ABHD6: variants seen among roughly 807,000 people sequenced by gnomAD.
ABHD6 encodes the protein abhydrolase domain containing 6, acylglycerol lipase.
Under a neutral mutation model 38.8 loss-of-function variants are expected in ABHD6, and 33 were observed. The observed-to-expected ratio is 0.85, with a 90% CI of 0.64 to 1.14. ABHD6 has a LOEUF of 1.14. Among genes scored for constraint, ABHD6 ranks in the 50% most tolerant of loss-of-function variants. The probability of loss-of-function intolerance (pLI) is 0.00; values close to 1 mark genes in which losing one functional copy is unlikely to be tolerated. For missense variants in ABHD6, 380 were observed against 422.6 expected, an observed-to-expected ratio of 0.90 and a Z score of 0.88; for synonymous variants, 147 against 161.6, an observed-to-expected ratio of 0.91 and a Z score of 0.69.
chr3:58,271,855 C>T (rs547370926), intron 6 of ABHD6, among the ~76,000 whole-genome samples: 1 of 136,330 alleles, frequency 7.3e-6, no homozygotes, highest in Non-Finnish European at 1.5e-5. Context: ...GCCTTGACTT[C>T]CCAGGTTCAA....
chr3:58,264,211 G>C (rs943984629), intron 3 of ABHD6, among the ~76,000 whole-genome samples: 1 of 152,054 alleles, frequency 6.6e-6, no homozygotes, highest in Non-Finnish European at 1.5e-5. Flanking sequence ...CATAACGCTG[G>C]CTGGAACACT....
chr3:58,288,939 G>A (rs1251531169), intron 9 of ABHD6, among the ~76,000 whole-genome samples: 1 of 151,930 alleles, frequency 6.6e-6, no homozygotes, highest in Non-Finnish European at 1.5e-5. Context: ...GAGTTTTTTG[G>A]CACTTAAATT....
chr3:58,286,830 G>A (rs1401941543), intron 9 of ABHD6, among the ~76,000 whole-genome samples: 2,561 of 54,646 alleles, frequency 0.047, 184 homozygotes, highest in African/African-American at 0.17. Context: ...ATATGTGTGT[G>A]TGTGTGTGTG....
intron 2 of ABHD6, among the ~76,000 whole-genome samples, chr3:58,252,840 C>T (rs2097430921): frequency 6.6e-6 from 1 of 152,194 alleles, no homozygotes; most frequent in Admixed American, 6.5e-5. Context: ...ACCAGCATGG[C>T]AGGGGAGCTG....
chr3:58,242,125 G>C (rs1371582177), intron 1 of ABHD6, among the ~76,000 whole-genome samples: 1 of 152,138 alleles, frequency 6.6e-6, no homozygotes, highest in Non-Finnish European at 1.5e-5. Context: ...AGGAGCAGGT[G>C]TGTCAAAGTC....
intron 1 of ABHD6, among the ~76,000 whole-genome samples, chr3:58,244,836 A>T (rs1215657396): frequency 6.6e-6 from 1 of 152,222 alleles, no homozygotes; most frequent in Non-Finnish European, 1.5e-5. Flanking sequence ...CTTTTAAAAT[A>T]GATAGATTCG....
rs763765295 is a variant in ABHD6 at position 58,251,664 on chromosome 3, G to A, written c.-26+1722G>A. Reference sequence around the variant, plus strand: ...AGCTTGGGTGTTGAGCAGTGGCAGAGGATCCTGAGCCTGGGATGTGAGAGT... The same window carrying A: ...AGCTTGGGTGTTGAGCAGTGGCAGAAGATCCTGAGCCTGGGATGTGAGAGT... On this transcript the variant is annotated intron_variant, in intron 2 of 9. Transcript: ENST00000478253. This position sits in a 1 kb window ranked among gnomAD's most constrained non-coding sequence, Gnocchi z 5.4. 2.0e-5 allele frequency among the ~76,000 whole-genome samples: 3 copies of A among 152,200 alleles called. No individual in the cohort carries two copies. The highest frequency in any genetic ancestry group is 4.4e-5 in the Non-Finnish European group (3 of 68,038).
chr3:58,284,267 G>C (rs2097455393), intron 7 of ABHD6, among the ~76,000 whole-genome samples: 1 of 152,156 alleles, frequency 6.6e-6, no homozygotes, highest in South Asian at 2.1e-4. Context: ...AGTGTCAAAT[G>C]ATAAACAAAG....
At chr3:58,245,507 A>G (rs906948467) in intron 1 of ABHD6, among the ~76,000 whole-genome samples, 3 of 151,496 alleles carry the variant, frequency 2.0e-5, no homozygotes, top group Admixed American at 2.0e-4. Context: ...GGCTGAGCAC[A>G]GTGGCTCATG....
At position 58,255,358 on chromosome 3, in the gene ABHD6, G is replaced by C. The variant is rs116300137; in HGVS notation, c.-25-1204G>C. Among the ~76,000 whole-genome samples the C allele has an allele frequency of 2.8e-3, 421 of 152,092 alleles. 3 individuals carry two copies. Among genetic ancestry groups the C allele is most frequent in the African/African-American group, 9.6e-3 (397 of 41,504 alleles). On this transcript the variant is annotated intron_variant, in intron 2 of 9. Coordinates refer to ENST00000478253, the MANE Select transcript of ABHD6 (RefSeq NM_001320126.2). ...AAAACCAAGTTTCCTGTCTATTCCT[G>C]ACACTTAGCTATCTACTTCCCCACC...
rs1407261546 is a variant in ABHD6 at position 58,270,982 on chromosome 3, C to A, written c.441C>A (p.Thr147=). 1.2e-6 allele frequency: 2 copies of A among 1,612,776 alleles called. No homozygotes were observed. Among genetic ancestry groups the A allele is most frequent in the Non-Finnish European group, 1.7e-6 (2 of 1,179,654 alleles). The change falls in exon 6 of 10, where the codon ACC becomes ACA. Residue 147 remains threonine, a synonymous_variant. Transcript: ENST00000478253. ...LNKKPFHLVG[T]SMGGQVAGVY... ...AAAAACCTTTCCACCTGGTAGGCACCTCCATGGGTGGCCAGGTGGCTGGGG... is the reference window on the plus strand; with the variant it reads ...AAAAACCTTTCCACCTGGTAGGCACATCCATGGGTGGCCAGGTGGCTGGGG...
intron 7 of ABHD6, among the ~76,000 whole-genome samples, chr3:58,276,726 T>G (rs966769619): frequency 1.3e-5 from 2 of 152,226 alleles, no homozygotes; most frequent in African/African-American, 4.8e-5. Flanking sequence ...TAGGTTTTCT[T>G]CTAGGGTTTT....
intron 7 of ABHD6, among the ~76,000 whole-genome samples, chr3:58,275,082 A>T (rs1390131154): frequency 6.6e-6 from 1 of 152,336 alleles, no homozygotes; most frequent in Non-Finnish European, 1.5e-5. Flanking sequence ...ACCAGTGGTC[A>T]TGAGTTTTAT....
At chr3:58,284,708 C>T (rs958277784) in intron 7 of ABHD6, among the ~76,000 whole-genome samples, 3 of 152,098 alleles carry the variant, frequency 2.0e-5, no homozygotes, top group African/African-American at 7.2e-5. Context: ...GCCTTGGCCT[C>T]CTGAAGTGCT....
chr3:58,257,579 T>TCTCAAACTCCTGAC lies in ABHD6; in HGVS notation c.119+880_119+893dup, dbSNP rs1477008777. Among the ~76,000 whole-genome samples, 2 of 152,056 alleles carry TCTCAAACTCCTGAC rather than the reference T, an allele frequency of 1.3e-5. No homozygotes were observed. The highest frequency in any genetic ancestry group is 6.6e-5 in the Admixed American group (1 of 15,262). On this transcript the variant is annotated intron_variant, in intron 3 of 9. Coordinates refer to ENST00000478253, the MANE Select transcript of ABHD6 (RefSeq NM_001320126.2). This position sits in a 1 kb window ranked among gnomAD's most constrained non-coding sequence, Gnocchi z 4.8. The stretch of plus-strand genomic sequence containing the variant: ...GCTTTTGCCGTATTGGCCAAGCTGG[T>TCTCAAACTCCTGAC]CTCAAACTCCTGACCTCAAGTGATC...
chr3:58,255,748 G>A (rs896700224), intron 2 of ABHD6, among the ~76,000 whole-genome samples: 8 of 152,016 alleles, frequency 5.3e-5, no homozygotes, highest in South Asian at 2.1e-4. Context: ...GGGTTCAAGC[G>A]ATTCTCCTGC....
chr3:58,273,413 C>T lies in ABHD6; in HGVS notation c.524-1245C>T, dbSNP rs756708835. On this transcript the variant is annotated intron_variant, in intron 6 of 9. Transcript: ENST00000478253. The surrounding 1 kb of genome is among the most constrained non-coding windows in gnomAD (Gnocchi z 4.8). ...CAAAAATATAAAATTAAAAAAAAAT[C>T]TAACATTCACACATATGTTTATTGC... Among the ~76,000 whole-genome samples the T allele has an allele frequency of 2.0e-5, 3 of 151,946 alleles. No individual in the cohort carries two copies. Among genetic ancestry groups the T allele is most frequent in the Admixed American group, 6.6e-5 (1 of 15,238 alleles).
At chr3:58,247,836 A>C (rs998476409) in intron 1 of ABHD6, among the ~76,000 whole-genome samples, 1 of 152,114 alleles carries the variant, frequency 6.6e-6, no homozygotes, top group Non-Finnish European at 1.5e-5. Flanking sequence ...CGGCTTCCCA[A>C]ATCCTGGGAT....
chr3:58,255,842 A>G (rs771586957), intron 2 of ABHD6, among the ~76,000 whole-genome samples: 1 of 151,272 alleles, frequency 6.6e-6, no homozygotes, highest in Non-Finnish European at 1.5e-5. Flanking sequence ...ATGGGGTTTC[A>G]TCATGTTGGC....
Sources: allele counts gnomAD v4.1 joint callset (sites outside exome capture counted in the v4.1 genomes callset), GRCh38; gene constraint gnomAD v4.1.1; non-coding constraint Gnocchi (gnomAD v3.1); transcripts MANE v1.5; gene names NCBI Gene and HGNC (gene_info 2026-07-23, HGNC 2026-07-21).